The following AUTS2 variants were observed in gnomAD, a reference collection of about 807,000 sequenced individuals.
AUTS2 encodes activator of transcription and developmental regulator AUTS2.
AUTS2 carries 17 observed loss-of-function variants against 112.4 expected under a neutral mutation model. The observed-to-expected ratio is 0.15, with a 90% CI of 0.10 to 0.23. The LOEUF (loss-of-function observed/expected upper bound fraction) is 0.23, where lower values mean the gene tolerates loss of function less well. Among genes scored for constraint, AUTS2 ranks in the 10% least tolerant of loss-of-function variants. The pLI is 1.00. For missense variants in AUTS2, 1,510 were observed against 1,701.6 expected (o/e 0.89, Z 1.98); for synonymous variants, 751 against 702.7 (o/e 1.07, Z -1.09).
chr7:69,849,024 T>TA (rs1046377303), intron 1 of AUTS2, among the ~76,000 whole-genome samples: 8 of 151,898 alleles, frequency 5.3e-5, no homozygotes, highest in African/African-American at 9.7e-5. Context: ...TCTACAAAAA[T>TA]AAAAAAAATT....
intron 5 of AUTS2, among the ~76,000 whole-genome samples, chr7:70,532,675 C>G (rs11971065): frequency 6.6e-6 from 1 of 152,114 alleles, no homozygotes; most frequent in Non-Finnish European, 1.5e-5. Flanking sequence ...TCAGACCAAC[C>G]CCATCACCTT....
intron 5 of AUTS2, among the ~76,000 whole-genome samples, chr7:70,482,237 C>T (rs527765598): frequency 8.5e-5 from 13 of 152,240 alleles, no homozygotes; most frequent in African/African-American, 2.2e-4. Context: ...GGATTTACTG[C>T]GACCATTTGT....
intron 4 of AUTS2, among the ~76,000 whole-genome samples, chr7:70,261,655 C>G (rs573371370): frequency 6.6e-6 from 1 of 152,106 alleles, no homozygotes; most frequent in Non-Finnish European, 1.5e-5. Flanking sequence ...ATCAGTTTCC[C>G]TAATGGACTC....
intron 4 of AUTS2, among the ~76,000 whole-genome samples, chr7:70,422,829 A>G (rs1469004303): frequency 6.6e-6 from 1 of 152,030 alleles, no homozygotes. Flanking sequence ...GACACCTACC[A>G]CACTTTCAGA....
chr7:70,375,511 G>A (rs1793046597), intron 4 of AUTS2, among the ~76,000 whole-genome samples: 1 of 152,224 alleles, frequency 6.6e-6, no homozygotes, highest in Non-Finnish European at 1.5e-5. Context: ...GCAAGAGAAG[G>A]TGTAAGTTAT....
rs912625957 is a variant in AUTS2, at chr7:70,792,053, A to T, written c.*1057A>T. The T allele has an allele frequency of 2.0e-5, 3 of 152,588 alleles. No individual in the cohort carries two copies. The highest frequency in any genetic ancestry group is 7.2e-5 in the African/African-American group (3 of 41,426). 9.5% of individuals were successfully genotyped at this position (152,588 alleles called of 1,614,324 possible). On this transcript the variant is annotated 3_prime_UTR_variant, in exon 19 of 19. Coordinates refer to ENST00000342771, the MANE Select transcript of AUTS2 (RefSeq NM_015570.4). ...TGTAATGAGATTTACTTACACCCAA[A>T]CAGATCCTGAAAGAAAGCTTCAAGT...
chr7:70,577,481 T>C (rs1802219867), intron 5 of AUTS2, among the ~76,000 whole-genome samples: 1 of 152,252 alleles, frequency 6.6e-6, no homozygotes, highest in Non-Finnish European at 1.5e-5. Flanking sequence ...CTTTATCCTT[T>C]TGGTCCTTTA....
intron 1 of AUTS2, among the ~76,000 whole-genome samples, chr7:69,754,042 C>A (rs1787848911): frequency 6.6e-6 from 1 of 152,202 alleles, no homozygotes; most frequent in African/African-American, 2.4e-5. Flanking sequence ...GAAGGCAGAG[C>A]TTGGATCTGC....
At chr7:70,380,086 G>A (rs1394900545) in intron 4 of AUTS2, among the ~76,000 whole-genome samples, 2 of 152,186 alleles carry the variant, frequency 1.3e-5, no homozygotes, top group Non-Finnish European at 2.9e-5. Context: ...AGTATATATT[G>A]ATTATTTGAT....
chr7:69,746,647 C>T (rs980607914), intron 1 of AUTS2, among the ~76,000 whole-genome samples: 1 of 151,952 alleles, frequency 6.6e-6, no homozygotes, highest in African/African-American at 2.4e-5. Context: ...GTAGCAAGGA[C>T]GTCAGCCTGA....
chr7:70,453,725 C>A (rs563108981), intron 5 of AUTS2, among the ~76,000 whole-genome samples: 1 of 152,304 alleles, frequency 6.6e-6, no homozygotes, highest in East Asian at 1.9e-4. Context: ...CTTCATGTGG[C>A]CTTTTCCTCT....
intron 2 of AUTS2, among the ~76,000 whole-genome samples, chr7:69,991,763 T>G (rs576816421): frequency 1.3e-5 from 2 of 152,348 alleles, no homozygotes; most frequent in South Asian, 4.1e-4. Flanking sequence ...ATCTCAATCC[T>G]GTACCTTAAA....
rs1234886887 is a variant in AUTS2, at chr7:70,766,537, G to A, written c.1689+203G>A. On this transcript the variant is annotated intron_variant, in intron 9 of 18. Coordinates refer to ENST00000342771, the MANE Select transcript of AUTS2 (RefSeq NM_015570.4). This position sits in a 1 kb window ranked among gnomAD's most constrained non-coding sequence, Gnocchi z 4.8. ...GCCTAAAGTAGGAACTTCTTTCTAG[G>A]CAGTTGTATCCAGCACTGCGGGCGG... Among the ~76,000 whole-genome samples, 1 of 152,186 alleles carries A rather than the reference G, an allele frequency of 6.6e-6. No individual in the cohort carries two copies. Among genetic ancestry groups the A allele is most frequent in the Non-Finnish European group, 1.5e-5 (1 of 68,038 alleles).
chr7:70,323,582 G>T (rs1173974656), intron 4 of AUTS2, among the ~76,000 whole-genome samples: 1 of 152,138 alleles, frequency 6.6e-6, no homozygotes, highest in Non-Finnish European at 1.5e-5. Flanking sequence ...ACCTAGATGT[G>T]AACTGAATAA....
chr7:70,163,217 G>C (rs1417623918), intron 4 of AUTS2, among the ~76,000 whole-genome samples: 4 of 151,672 alleles, frequency 2.6e-5, no homozygotes, highest in Non-Finnish European at 4.4e-5. Flanking sequence ...AAACACCCAG[G>C]ACGAGATGTT....
At chr7:70,239,779 G>A (rs1812512987) in intron 4 of AUTS2, among the ~76,000 whole-genome samples, 2 of 152,106 alleles carry the variant, frequency 1.3e-5, no homozygotes, top group Non-Finnish European at 1.5e-5. Context: ...TTCATTCCAT[G>A]AATCATACCA....
chr7:69,658,174 A>G (rs55880824), intron 1 of AUTS2, among the ~76,000 whole-genome samples: 14,809 of 152,310 alleles, frequency 0.097, 1,136 homozygotes, highest in African/African-American at 0.21. Flanking sequence ...TTGCACTACA[A>G]CAGCAGAATT....
At chr7:70,630,546 TTC>T (rs1202407628) in intron 5 of AUTS2, among the ~76,000 whole-genome samples, 1 of 152,116 alleles carries the variant, frequency 6.6e-6, no homozygotes, top group Admixed American at 6.5e-5. Context: ...CTGGTTTTCT[TTC>T]TCTCTCTTTC....
chr7:70,563,499 G>C (rs1801575664), intron 5 of AUTS2, among the ~76,000 whole-genome samples: 1 of 152,120 alleles, frequency 6.6e-6, no homozygotes, highest in Non-Finnish European at 1.5e-5. Context: ...GGTTTTGTCT[G>C]TCTTAACGGA....
Sources: gnomAD v4.1 joint callset for allele counts (sites outside exome capture counted in the v4.1 genomes callset) on GRCh38, gnomAD v4.1.1 for gene constraint, Gnocchi (gnomAD v3.1) non-coding constraint, MANE v1.5 for transcripts, NCBI Gene and HGNC (gene_info 2026-07-23, HGNC 2026-07-21) for gene names.